FCHSD2: variants seen among roughly 807,000 people sequenced by gnomAD.
FCHSD2 encodes the protein FCH and double SH3 domains 2, also known as F-BAR and double SH3 domains protein 2.
Under a neutral mutation model 108.1 loss-of-function variants are expected in FCHSD2, and 38 were observed. The observed-to-expected ratio is 0.35, with a 90% confidence interval of 0.27 to 0.46. The LOEUF (loss-of-function observed/expected upper bound fraction) is 0.46. FCHSD2 is among the 20% of genes least tolerant of loss of function. The pLI is 1.00. For synonymous variants in FCHSD2, 279 were observed against 314.7 expected, an observed-to-expected ratio of 0.89 and a Z score of 1.20; for missense variants, 751 against 897.8, an observed-to-expected ratio of 0.84 and a Z score of 2.09.
At chr11:73,129,836 T>C (rs1591578647) in intron 2 of FCHSD2, among the ~76,000 whole-genome samples, 1 of 151,274 alleles carries the variant, frequency 6.6e-6, no homozygotes, top group South Asian at 2.1e-4. Context: ...TTCCGATATA[T>C]CACACCTATG....
chr11:73,131,008 G>A, intron 2 of FCHSD2, among the ~76,000 whole-genome samples: 1 of 152,128 alleles, frequency 6.6e-6, no homozygotes, highest in East Asian at 1.9e-4. Flanking sequence ...TAATTGAGAA[G>A]CAACTATGAT....
At chr11:72,958,524 C>A (rs1856757880) in intron 8 of FCHSD2, among the ~76,000 whole-genome samples, 1 of 152,082 alleles carries the variant, frequency 6.6e-6, no homozygotes, top group Admixed American at 6.5e-5. Flanking sequence ...CTCAAAAAAA[C>A]AAAACAAAAC....
At chr11:73,075,127 G>A (rs1227036342) in intron 3 of FCHSD2, among the ~76,000 whole-genome samples, 1 of 152,082 alleles carries the variant, frequency 6.6e-6, no homozygotes, top group Non-Finnish European at 1.5e-5. Flanking sequence ...TCACCAGAAA[G>A]GCTAAAATGA....
Position 72,867,860 on chromosome 11 carries a change from C to T in FCHSD2, c.1308+5G>A, listed in dbSNP as rs569047846. On this transcript the variant is annotated splice_donor_5th_base_variant and intron_variant, in intron 13 of 19. Coordinates refer to ENST00000409418, the MANE Select transcript of FCHSD2 (RefSeq NM_014824.3). ...ACTTGTCATATCCAAGAAAAGAAAT[C>T]GTACCGAGTGTAAAGTGCCATTACT... The T allele has an allele frequency of 1.9e-5, 31 of 1,609,824 alleles. No homozygotes were observed. Among genetic ancestry groups the T allele is most frequent in the Middle Eastern group, 1.7e-4 (1 of 6,044 alleles).
chr11:72,868,739 C>A (rs765054157), intron 12 of FCHSD2, among the ~76,000 whole-genome samples: 1 of 151,444 alleles, frequency 6.6e-6, no homozygotes, highest in East Asian at 1.9e-4. Flanking sequence ...ACTATATAAC[C>A]GTCATGAAAG....
At chr11:72,911,633 C>T (rs1048605211) in intron 9 of FCHSD2, among the ~76,000 whole-genome samples, 1 of 152,014 alleles carries the variant, frequency 6.6e-6, no homozygotes, top group South Asian at 2.1e-4. Context: ...AATATCTTTC[C>T]ATTTGTTTGT....
At chr11:72,850,057 G>GTTT (rs10579880) in intron 13 of FCHSD2, among the ~76,000 whole-genome samples, 168 bp from the exon 14 acceptor site, 2 of 85,494 alleles carry the variant, frequency 2.3e-5, no homozygotes, top group African/African-American at 9.4e-5. Context: ...AAAGAATAGA[G>GTTT]TTTTTTTTTT....
chr11:72,999,946 G>A (rs1308862044), intron 5 of FCHSD2, among the ~76,000 whole-genome samples: 2 of 151,862 alleles, frequency 1.3e-5, no homozygotes, highest in Non-Finnish European at 2.9e-5. Context: ...GATCACATAG[G>A]TTACTCACTA....
In FCHSD2 at chr11:73,100,234, C is replaced by T. The variant is rs543421259; in HGVS notation, c.120-16494G>A. Among the ~76,000 whole-genome samples, 177 of 152,274 alleles carry T rather than the reference C, an allele frequency of 1.2e-3. 1 individual carries two copies. The highest frequency in any genetic ancestry group is 4.1e-3 in the African/African-American group (170 of 41,556). On this transcript the variant is annotated intron_variant, in intron 2 of 19. Coordinates refer to ENST00000409418, the MANE Select transcript of FCHSD2 (RefSeq NM_014824.3). ...ATGTACCAAGGACCATTCCTCTTCG[C>T]GTCCCTTCCTCCCTTCTCAAGAAAA...
chr11:73,002,511 G>A (rs1162365908), intron 4 of FCHSD2, among the ~76,000 whole-genome samples: 4 of 151,994 alleles, frequency 2.6e-5, no homozygotes. Context: ...CCCAACAATT[G>A]ATTTTCTTGA....
intron 14 of FCHSD2, among the ~76,000 whole-genome samples, chr11:72,845,974 G>A (rs1225565707): frequency 6.6e-6 from 1 of 152,100 alleles, no homozygotes; most frequent in Non-Finnish European, 1.5e-5. Flanking sequence ...CATGGAAGGT[G>A]CTCAAGCACT....
chr11:73,139,501 G>A (rs770236975), intron 2 of FCHSD2, among the ~76,000 whole-genome samples: 6 of 152,164 alleles, frequency 3.9e-5, no homozygotes, highest in African/African-American at 7.2e-5. Context: ...GCTATTCAAA[G>A]TTAACTTGAT....
chr11:72,897,133 G>A (rs760490088), intron 10 of FCHSD2, among the ~76,000 whole-genome samples: 5 of 151,956 alleles, frequency 3.3e-5, no homozygotes, highest in Non-Finnish European at 5.9e-5. Context: ...ACGCCCGGCC[G>A]TCCTGTGGAA....
chr11:72,891,282 A>C (rs1855309108), intron 10 of FCHSD2, among the ~76,000 whole-genome samples: 1 of 152,222 alleles, frequency 6.6e-6, no homozygotes, highest in Non-Finnish European at 1.5e-5. Flanking sequence ...GAGTAAGTAG[A>C]AATTGATAAA....
At chr11:72,869,504 TCTC>T (rs1421789993) in intron 12 of FCHSD2, 1 of 146,128 alleles carries the variant, frequency 6.8e-6, no homozygotes, top group Non-Finnish European at 1.5e-5. Context: ...GGAATCAGGG[TCTC>T]CTAACAATGG....
At chr11:73,057,881 T>C (rs1315108718) in intron 3 of FCHSD2, among the ~76,000 whole-genome samples, 3 of 137,128 alleles carry the variant, frequency 2.2e-5, no homozygotes, top group African/African-American at 8.3e-5. Context: ...TTCGGTATTC[T>C]TTTTTTTTTT....
intron 3 of FCHSD2, among the ~76,000 whole-genome samples, chr11:73,032,536 A>G (rs1038879026): frequency 6.6e-6 from 1 of 151,564 alleles, no homozygotes; most frequent in African/African-American, 2.4e-5. Context: ...TATTTCTATC[A>G]CTTAATTGCT....
At chr11:72,977,895 A>G (rs371168620) in intron 8 of FCHSD2, among the ~76,000 whole-genome samples, 16 of 152,248 alleles carry the variant, frequency 1.1e-4, no homozygotes, top group African/African-American at 3.6e-4. Context: ...TCAAAATAGC[A>G]AAGACTTGGA....
intron 1 of FCHSD2, among the ~76,000 whole-genome samples, chr11:73,140,798 T>C (rs1407078232): frequency 6.6e-6 from 1 of 152,222 alleles, no homozygotes; most frequent in East Asian, 1.9e-4. Flanking sequence ...AGCAAATGCC[T>C]GCTGGCCAGA....
Sources: gnomAD v4.1 joint callset for allele counts (sites outside exome capture counted in the v4.1 genomes callset) on GRCh38, gnomAD v4.1.1 for gene constraint, MANE v1.5 for transcripts, NCBI Gene and HGNC (gene_info 2026-07-23, HGNC 2026-07-21) for gene names.